The following IQCM variants were observed in gnomAD, a reference collection of about 807,000 sequenced individuals.
The protein encoded by IQCM is IQ motif containing M.
IQCM carries 45 observed loss-of-function variants against 57.6 expected under a neutral mutation model. The observed-to-expected ratio is 0.78, with a 90% CI of 0.62 to 1.00. IQCM has a LOEUF of 1.00. IQCM is among the 50% of genes least tolerant of loss of function. The pLI is 0.00. For synonymous variants in IQCM, 148 were observed against 158.9 expected (o/e 0.93, Z 0.51); for missense variants, 468 against 511.6 (o/e 0.91, Z 0.82).
intron 7 of IQCM, among the ~76,000 whole-genome samples, chr4:149,661,130 C>T (rs543601120): frequency 6.6e-6 from 1 of 152,122 alleles, no homozygotes; most frequent in Non-Finnish European, 1.5e-5. Flanking sequence ...AGGTACATAT[C>T]TTCTATACTT....
At chr4:149,778,249 G>C (rs994566088) in intron 2 of IQCM, among the ~76,000 whole-genome samples, 2 of 152,060 alleles carry the variant, frequency 1.3e-5, no homozygotes, top group Admixed American at 6.5e-5. Context: ...GGTCGCAGGC[G>C]CCTGTAGTCC....
intron 5 of IQCM, among the ~76,000 whole-genome samples, chr4:149,699,560 T>C (rs767100859): frequency 6.6e-6 from 1 of 151,806 alleles, no homozygotes; most frequent in Non-Finnish European, 1.5e-5. Context: ...AGTCAGCCAA[T>C]CCTGATCTTC....
rs533912759 is a variant in IQCM at position 149,734,284 on chromosome 4, T to C, written c.121-776A>G. ...TTTCCAGGCAACCGAAGATGGAACA[T>C]TGGACTGTTATTATTAGATAAAAAT... is the stretch of plus-strand genomic sequence containing the variant. On this transcript the variant is annotated intron_variant, in intron 4 of 13. Coordinates refer to ENST00000636793, the MANE Select transcript of IQCM (RefSeq NM_001363507.2). Among the ~76,000 whole-genome samples, 19 of 152,312 alleles carry C rather than the reference T, an allele frequency of 1.2e-4. 1 individual carries two copies. In the East Asian group the frequency reaches 2.3e-3, roughly 19 times the overall value.
chr4:149,381,899 C>T (rs1158244053), intron 13 of IQCM, among the ~76,000 whole-genome samples: 2 of 151,944 alleles, frequency 1.3e-5, no homozygotes, highest in Admixed American at 6.6e-5. Context: ...CTCAGCTTCC[C>T]GAGTAGCTGG....
At chr4:149,581,412 A>G (rs1752169393) in intron 9 of IQCM, among the ~76,000 whole-genome samples, 1 of 151,594 alleles carries the variant, frequency 6.6e-6, no homozygotes, top group African/African-American at 2.4e-5. Flanking sequence ...ATAATGATCT[A>G]CAGGTCTATC....
chr4:149,548,511 C>G lies in IQCM; in HGVS notation c.1172G>C (p.Cys391Ser). Residue 391 changes from cysteine to serine, a missense_variant, in exon 12 of 14, where the codon TGT becomes TCT. Physicochemically the swap from Cys to Ser is moderately radical, Grantham distance 112 (BLOSUM62 -1). Transcript: ENST00000636793. ...RNELPNFFSD[C>S]GHFPTQKQVD... ...TTGTTTCTGAGTTGGGAAATGACCA[C>G]AGTCACTGAAGAAATTGGGGAGCTC... The G allele has an allele frequency of 8.1e-7, 1 of 1,231,846 alleles. No homozygotes were observed. Among genetic ancestry groups the G allele is most frequent in the Non-Finnish European group, 1.0e-6 (1 of 987,730 alleles). The allele number at this position is 1,231,846 out of a possible 1,614,324, so 76.3% of individuals were successfully genotyped here. A position where few individuals can be genotyped will look rare whatever the true frequency, so the allele number is the denominator to read the frequency against.
chr4:149,643,000 C>G (rs1758329326), intron 7 of IQCM, among the ~76,000 whole-genome samples: 1 of 151,846 alleles, frequency 6.6e-6, no homozygotes, highest in African/African-American at 2.4e-5. Context: ...CAGATCAGTA[C>G]TGACCTTTTT....
At chr4:149,491,163 C>CT (rs879913395) in intron 12 of IQCM, among the ~76,000 whole-genome samples, 20 of 151,696 alleles carry the variant, frequency 1.3e-4, no homozygotes, top group Non-Finnish European at 1.6e-4. Flanking sequence ...GACCATAACT[C>CT]TTTTTTTTAA....
chr4:149,638,596 A>C (rs753983267), intron 7 of IQCM, among the ~76,000 whole-genome samples: 1 of 152,214 alleles, frequency 6.6e-6, no homozygotes, highest in Admixed American at 6.5e-5. Context: ...ATATGCAAAA[A>C]CATGGATAAA....
intron 2 of IQCM, among the ~76,000 whole-genome samples, chr4:149,750,073 T>A (rs1768287255): frequency 6.6e-6 from 1 of 152,220 alleles, no homozygotes; most frequent in Admixed American, 6.5e-5. Flanking sequence ...CCGCTACTAC[T>A]GAAATGTATG....
At chr4:149,664,644 G>A (rs183951567) in intron 7 of IQCM, among the ~76,000 whole-genome samples, 3 of 152,226 alleles carry the variant, frequency 2.0e-5, no homozygotes, top group Admixed American at 2.0e-4. Context: ...TTGGGGACAC[G>A]GGCACTGGGC....
chr4:149,547,221 T>C (rs6854608), intron 12 of IQCM, among the ~76,000 whole-genome samples: 81,726 of 151,164 alleles, frequency 0.54, 22,242 homozygotes, highest in African/African-American at 0.57. Context: ...TTGGTTACTG[T>C]AGCCTTGTAG....
intron 5 of IQCM, among the ~76,000 whole-genome samples, chr4:149,717,212 C>T (rs986599299): frequency 3.3e-5 from 5 of 152,192 alleles, no homozygotes; most frequent in African/African-American, 9.7e-5. Context: ...TCTAGATGCT[C>T]ATACTTGAGA....
intron 6 of IQCM, among the ~76,000 whole-genome samples, chr4:149,685,582 G>A (rs1259086985): frequency 1.3e-5 from 2 of 151,450 alleles, no homozygotes; most frequent in African/African-American, 4.8e-5. Context: ...AACGTTGGAA[G>A]ACCCATAAAG....
chr4:149,499,760 G>A (rs1743046451), intron 12 of IQCM, among the ~76,000 whole-genome samples: 1 of 152,126 alleles, frequency 6.6e-6, no homozygotes, highest in Admixed American at 6.5e-5. Context: ...ATAAATTCAA[G>A]ATGTCTACAC....
chr4:149,785,489 A>T (rs1771996278), intron 2 of IQCM, among the ~76,000 whole-genome samples: 1 of 152,182 alleles, frequency 6.6e-6, no homozygotes, highest in African/African-American at 2.4e-5. Context: ...GGGAAAATAT[A>T]ATTTGAATGT....
intron 13 of IQCM, among the ~76,000 whole-genome samples, chr4:149,420,138 C>T (rs1170104471): frequency 6.6e-6 from 1 of 152,068 alleles, no homozygotes; most frequent in South Asian, 2.1e-4. Context: ...AATCCCATTA[C>T]TGAGTATATA....
Position 149,525,920 on chromosome 4 carries a change from A to G in IQCM, c.1228+22535T>C, listed in dbSNP as rs542703291. On this transcript the variant is annotated intron_variant, in intron 12 of 13. Coordinates refer to ENST00000636793, the MANE Select transcript of IQCM (RefSeq NM_001363507.2). ...AAAAAGACAAATAAAAAATTAAAAA[A>G]TAGACAAAAATTATAAATAGGCAAT... Among the ~76,000 whole-genome samples the G allele has an allele frequency of 1.3e-5, 2 of 151,998 alleles. 1 individual carries two copies. The highest frequency in any genetic ancestry group is 3.9e-4 in the East Asian group (2 of 5,178).
At chr4:149,451,100 C>T (rs947355860) in intron 12 of IQCM, among the ~76,000 whole-genome samples, 1 of 151,716 alleles carries the variant, frequency 6.6e-6, no homozygotes, top group Non-Finnish European at 1.5e-5. Flanking sequence ...AGGCAAAGAT[C>T]ACATGTTCTT....
Sources: gnomAD v4.1 joint callset for allele counts (sites outside exome capture counted in the v4.1 genomes callset) on GRCh38, gnomAD v4.1.1 for gene constraint, MANE v1.5 for transcripts, NCBI Gene and HGNC (gene_info 2026-07-23, HGNC 2026-07-21) for gene names.